Variants in MTREX observed in about 807,000 individuals in gnomAD.
The protein encoded by MTREX is exosome RNA helicase MTR4.
A neutral mutation model predicts 135.4 loss-of-function variants in MTREX; 76 were observed. That is an observed-to-expected ratio of 0.56 (90% CI 0.47 to 0.68). The LOEUF (loss-of-function observed/expected upper bound fraction) is 0.68, where lower values mean the gene tolerates loss of function less well. Ranked by LOEUF, MTREX falls within the 30% of genes least tolerant of loss-of-function variation. The pLI is 0.00. For synonymous variants in MTREX, 404 were observed against 401.6 expected, an observed-to-expected ratio of 1.01 and a Z score of -0.07; for missense variants, 920 against 1,262.1, an observed-to-expected ratio of 0.73 and a Z score of 4.11.
chr5:55,313,986 G>GC (rs1466668774), intron 1 of MTREX, among the ~76,000 whole-genome samples: 1 of 144,474 alleles, frequency 6.9e-6, no homozygotes, highest in African/African-American at 2.5e-5. Flanking sequence ...GTAGAGAGCT[G>GC]TTTTTTTTTT....
Position 55,308,411 on chromosome 5 carries a change from C to T in MTREX, c.134+264C>T, listed in dbSNP as rs1341800161. ...GTTACTGATTCTGTCCCCATCTTCG[C>T]GGTTGTCTCCTGCATCAGCACAACA... is the stretch of plus-strand genomic sequence containing the variant. On this transcript the variant is annotated intron_variant, in intron 1 of 26. Coordinates refer to ENST00000230640, the MANE Select transcript of MTREX (RefSeq NM_015360.5). Among the ~76,000 whole-genome samples, 9 of 151,780 alleles carry T rather than the reference C, an allele frequency of 5.9e-5. No homozygotes were observed. The South Asian group carries it at 8.3e-4, about 14-fold the overall frequency.
At chr5:55,414,528 G>A (rs1750935870) in intron 24 of MTREX, among the ~76,000 whole-genome samples, 1 of 152,170 alleles carries the variant, frequency 6.6e-6, no homozygotes, top group Non-Finnish European at 1.5e-5. Context: ...TGTATTGACA[G>A]CTCAGTGCAT....
At chr5:55,325,300 A>G (rs1035219614) in intron 3 of MTREX, among the ~76,000 whole-genome samples, 11 of 148,308 alleles carry the variant, frequency 7.4e-5, no homozygotes, top group South Asian at 2.1e-4. Flanking sequence ...GAGGTGGTAC[A>G]TATATGCAAG....
At chr5:55,363,697 T>G (rs1750051181) in intron 15 of MTREX, among the ~76,000 whole-genome samples, 2 of 152,176 alleles carry the variant, frequency 1.3e-5, no homozygotes, top group South Asian at 4.1e-4. Context: ...TAAGTTCCAA[T>G]ATGACTTGCC....
chr5:55,399,935 T>C (rs943394676), intron 20 of MTREX, among the ~76,000 whole-genome samples: 4 of 152,220 alleles, frequency 2.6e-5, no homozygotes, highest in Non-Finnish European at 4.4e-5. Flanking sequence ...AATGTAAATA[T>C]ACAATAATGA....
Position 55,345,202 on chromosome 5 carries a change from T to C in MTREX, c.1108+6T>C. The C allele has an allele frequency of 1.3e-6, 2 of 1,564,992 alleles. No individual in the cohort carries two copies. On this transcript the variant is annotated splice_donor_region_variant and intron_variant, in intron 10 of 26. Coordinates refer to ENST00000230640, the MANE Select transcript of MTREX (RefSeq NM_015360.5). ...GCGGAAAGGAGGAACAAAAGGTAAT[T>C]TGGAACTTTGCTTTGAGAGAATTTT...
At chr5:55,314,157 A>G (rs13182339) in intron 1 of MTREX, among the ~76,000 whole-genome samples, 1 of 152,188 alleles carries the variant, frequency 6.6e-6, no homozygotes, top group Admixed American at 6.5e-5. Flanking sequence ...ATAGATTCCT[A>G]GAAGCGAATT....
chr5:55,327,587 A>G, intron 3 of MTREX, 129 bp from the exon 4 acceptor site: 1 of 692,886 alleles, frequency 1.4e-6, no homozygotes, highest in Non-Finnish European at 2.5e-6. Context: ...ACAGTGTCTG[A>G]GACAGCTAAA....
chr5:55,316,868 T>A (rs942858678), intron 1 of MTREX, among the ~76,000 whole-genome samples: 1 of 152,168 alleles, frequency 6.6e-6, no homozygotes, highest in Admixed American at 6.5e-5. Flanking sequence ...TAATTCTATA[T>A]GTAGGAAACC....
intron 20 of MTREX, among the ~76,000 whole-genome samples, chr5:55,399,033 C>T (rs568123871): frequency 1.3e-5 from 2 of 152,194 alleles, no homozygotes; most frequent in South Asian, 2.1e-4. Flanking sequence ...ACTTCAGAAC[C>T]GCAATTTTAG....
chr5:55,388,496 T>G (rs545044286), intron 19 of MTREX, among the ~76,000 whole-genome samples: 99 of 152,244 alleles, frequency 6.5e-4, no homozygotes, highest in Non-Finnish European at 1.2e-3. Context: ...GCAGTCCTGA[T>G]TTAGGATTTT....
At chr5:55,424,553 C>CAGAGGT (rs1751117649) in intron 26 of MTREX, 167 bp from the exon 27 acceptor site, 1 of 584,806 alleles carries the variant, frequency 1.7e-6, no homozygotes, top group Non-Finnish European at 3.1e-6. Flanking sequence ...TTCCACCTCA[C>CAGAGGT]AGAGGTGGCT....
intron 5 of MTREX, among the ~76,000 whole-genome samples, chr5:55,338,445 A>G (rs1389459898): frequency 6.6e-6 from 1 of 151,978 alleles, no homozygotes. Context: ...TGCCTTTGTC[A>G]TTTAGCAGTT....
At chr5:55,394,883 A>G (rs1232596453) in intron 19 of MTREX, among the ~76,000 whole-genome samples, 1 of 151,946 alleles carries the variant, frequency 6.6e-6, no homozygotes, top group Non-Finnish European at 1.5e-5. Flanking sequence ...AAATACAGAA[A>G]TTAGCCAGGC....
intron 25 of MTREX, among the ~76,000 whole-genome samples, chr5:55,416,512 T>G (rs1750968387): frequency 1.3e-5 from 2 of 152,114 alleles, no homozygotes; most frequent in South Asian, 4.1e-4. Context: ...GATCAGTCAT[T>G]GCATATGTAA....
intron 1 of MTREX, among the ~76,000 whole-genome samples, chr5:55,315,603 G>T (rs1412314016): frequency 6.6e-6 from 1 of 152,134 alleles, no homozygotes; most frequent in Non-Finnish European, 1.5e-5. Context: ...ATCCACTGGA[G>T]ATTACTATCA....
In MTREX at chr5:55,425,370, C is replaced by G. The variant is rs1250862660; in HGVS notation, c.*598C>G. The G allele has an allele frequency of 2.0e-6, 3 of 1,535,518 alleles. No individual in the cohort carries two copies. Among genetic ancestry groups the G allele is most frequent in the Non-Finnish European group, 2.7e-6 (3 of 1,129,086 alleles). The stretch of plus-strand genomic sequence containing the variant: ...AAATATTTAATGGTATAATTTAGAT[C>G]AAGTTAAAAACTACATACAAAGTTG... On this transcript the variant is annotated 3_prime_UTR_variant, in exon 27 of 27. Coordinates refer to ENST00000230640, the MANE Select transcript of MTREX (RefSeq NM_015360.5).
chr5:55,335,734 TC>T (rs1353206736), intron 5 of MTREX, among the ~76,000 whole-genome samples: 7 of 152,238 alleles, frequency 4.6e-5, no homozygotes, highest in East Asian at 3.9e-4. Flanking sequence ...ACTGGGCACT[TC>T]CAGGTCTTTT....
chr5:55,352,331 T>G (rs1749842848), intron 13 of MTREX, among the ~76,000 whole-genome samples: 2 of 152,122 alleles, frequency 1.3e-5, no homozygotes, highest in African/African-American at 2.4e-5. Flanking sequence ...TATACTTACT[T>G]AGATCCTGGT....
Sources: gnomAD v4.1 joint callset for allele counts (sites outside exome capture counted in the v4.1 genomes callset) on GRCh38, gnomAD v4.1.1 for gene constraint, MANE v1.5 for transcripts, NCBI Gene and HGNC (gene_info 2026-07-23, HGNC 2026-07-21) for gene names.